Variants in UBE3B observed in about 807,000 individuals in gnomAD.
The protein encoded by UBE3B is ubiquitin protein ligase E3B.
Under a neutral mutation model 132.3 loss-of-function variants are expected in UBE3B, and 80 were observed. The ratio of observed to expected loss-of-function variants is 0.60; its 90% CI spans 0.50 to 0.73. The LOEUF is 0.73. Among genes scored for constraint, UBE3B ranks in the 30% least tolerant of loss-of-function variants. The pLI is 0.00. For missense variants in UBE3B, 1,196 were observed against 1,362.5 expected (o/e 0.88, Z 1.92); for synonymous variants, 487 against 520.4 (o/e 0.94, Z 0.87).
chr12:109,526,981 C>T (rs144985467), intron 24 of UBE3B, among the ~76,000 whole-genome samples: 58 of 152,208 alleles, frequency 3.8e-4, no homozygotes, highest in African/African-American at 1.2e-3. Flanking sequence ...AGTTTAATAA[C>T]GGCCCTAGAT....
chr12:109,509,751 C>G (rs774441855), intron 16 of UBE3B, 37 bp downstream of exon 16: 1 of 1,426,968 alleles, frequency 7.0e-7, no homozygotes, highest in African/African-American at 1.4e-5. Context: ...TTGGTTGATG[C>G]TGCACCCAGG....
intron 17 of UBE3B, among the ~76,000 whole-genome samples, 194 bp downstream of exon 17, chr12:109,510,652 C>T (rs1880264266): frequency 6.6e-6 from 1 of 152,144 alleles, no homozygotes; most frequent in African/African-American, 2.4e-5. Context: ...ATGTTTACAC[C>T]AAATATGATT....
At chr12:109,490,556 G>A (rs535697686) in intron 8 of UBE3B, 46 of 1,535,988 alleles carry the variant, frequency 3.0e-5, no homozygotes, top group African/African-American at 1.9e-4. Flanking sequence ...GAGGTGGTCC[G>A]TTGGCAGAAG....
At chr12:109,528,925 G>A (rs898717898) in intron 24 of UBE3B, among the ~76,000 whole-genome samples, 10 of 152,034 alleles carry the variant, frequency 6.6e-5, no homozygotes, top group Non-Finnish European at 8.8e-5. Context: ...TTGGGAGGCC[G>A]AGACGGGCAG....
At chr12:109,542,502 G>T in the UBE3B span, among the ~76,000 whole-genome samples, 1 of 152,156 alleles carries the variant, frequency 6.6e-6, no homozygotes, top group Non-Finnish European at 1.5e-5. Flanking sequence ...TCCCAAAAAA[G>T]ATGCATCCTA....
intron 24 of UBE3B, among the ~76,000 whole-genome samples, chr12:109,529,183 A>C (rs1240801534): frequency 6.6e-6 from 1 of 152,198 alleles, no homozygotes; most frequent in Admixed American, 6.5e-5. Context: ...AATAAAAAGA[A>C]AAAAGAAATT....
At chr12:109,516,217 G>A (rs1453030477) in intron 18 of UBE3B, among the ~76,000 whole-genome samples, 1 of 139,254 alleles carries the variant, frequency 7.2e-6, no homozygotes, top group Non-Finnish European at 1.5e-5. Context: ...TGTCCCCCAG[G>A]CTGGAGTGCA....
At chr12:109,514,361 C>CCAA (rs1352288535) in intron 18 of UBE3B, among the ~76,000 whole-genome samples, 1 of 152,192 alleles carries the variant, frequency 6.6e-6, no homozygotes, top group Non-Finnish European at 1.5e-5. Context: ...TGATCCGTAC[C>CCAA]CAACTGTCCA....
chr12:109,486,381 C>T, intron 5 of UBE3B, 90 bp from the exon 6 acceptor site: 3 of 1,070,448 alleles, frequency 2.8e-6, no homozygotes, highest in Non-Finnish European at 4.1e-6. Context: ...TGGCACTGGA[C>T]CTAACTAATA....
At chr12:109,499,202 A>C (rs1172466524) in intron 11 of UBE3B, among the ~76,000 whole-genome samples, 2 of 152,186 alleles carry the variant, frequency 1.3e-5, no homozygotes, top group African/African-American at 4.8e-5. Context: ...GCGACTTCCC[A>C]CGACACTCAG....
intron 1 of UBE3B, among the ~76,000 whole-genome samples, chr12:109,479,051 A>G (rs1874874245): frequency 6.6e-6 from 1 of 152,196 alleles, no homozygotes; most frequent in African/African-American, 2.4e-5. Context: ...CCACATACTA[A>G]TGGTCTAGAC....
At chr12:109,501,979 A>G (rs1809537931) in intron 13 of UBE3B, among the ~76,000 whole-genome samples, 1 of 152,174 alleles carries the variant, frequency 6.6e-6, no homozygotes, top group Non-Finnish European at 1.5e-5. Flanking sequence ...CTTGTTCCAC[A>G]ACAATTTTGA....
chr12:109,532,286 C>G (rs1883010838), intron 26 of UBE3B, among the ~76,000 whole-genome samples: 1 of 152,222 alleles, frequency 6.6e-6, no homozygotes, highest in East Asian at 1.9e-4. Context: ...TCAGGGAATG[C>G]TCGTCACAGT....
intron 9 of UBE3B, among the ~76,000 whole-genome samples, chr12:109,496,925 G>A: frequency 6.6e-6 from 1 of 151,992 alleles, no homozygotes; most frequent in East Asian, 1.9e-4. Context: ...TGACTCTTGT[G>A]CTTTTAGTGT....
At position 109,536,034 on chromosome 12, in the gene UBE3B, C is replaced by T. The variant is rs972407831; in HGVS notation, c.*1252C>T. 6.6e-6 allele frequency: 1 copy of T among 152,258 alleles called. No homozygotes were observed. Among genetic ancestry groups the T allele is most frequent in the African/African-American group, 2.4e-5 (1 of 41,432 alleles). The allele number at this position is 152,258 out of a possible 1,614,324, so 9.4% of individuals were successfully genotyped here. A position where few individuals can be genotyped will look rare whatever the true frequency, so the allele number is the denominator to read the frequency against. On this transcript the variant is annotated 3_prime_UTR_variant, in exon 28 of 28. Transcript: ENST00000342494. Reference sequence around the variant, plus strand: ...AGGAAGGCCCAGTCCCTCCTCTGCTCTCCTCAAAGACGCAAAACATTTTCC... The same window carrying T: ...AGGAAGGCCCAGTCCCTCCTCTGCTTTCCTCAAAGACGCAAAACATTTTCC...
downstream of UBE3B, among the ~76,000 whole-genome samples, chr12:109,538,262 G>C (rs922472253): frequency 6.6e-6 from 1 of 152,212 alleles, no homozygotes; most frequent in Non-Finnish European, 1.5e-5. The surrounding 1 kb of genome is among the most constrained non-coding windows in gnomAD (Gnocchi z 4.1). Flanking sequence ...TTCTCGCCAA[G>C]CTTGGCGAGT....
intron 24 of UBE3B, among the ~76,000 whole-genome samples, chr12:109,528,786 G>T (rs1349729557): frequency 2.0e-5 from 3 of 151,922 alleles, no homozygotes; most frequent in East Asian, 3.9e-4. Context: ...GGAGGCAGAG[G>T]TTGCAGTGAG....
intron 1 of UBE3B, among the ~76,000 whole-genome samples, chr12:109,478,767 T>G (rs1207310946): frequency 6.6e-6 from 1 of 152,182 alleles, no homozygotes; most frequent in African/African-American, 2.4e-5. Context: ...GGCAACAAAG[T>G]GAGACTCCGT....
In UBE3B at chr12:109,501,451, A is replaced by T; in HGVS notation, c.1199A>T (p.Asp400Val). 1 of 1,614,164 alleles carries T rather than the reference A, an allele frequency of 6.2e-7. No individual in the cohort carries two copies. The highest frequency in any genetic ancestry group is 8.5e-7 in the Non-Finnish European group (1 of 1,180,020). ...GVPLIRIFFC[D>V]ILSKKLLESQ... ...CCTCTGATCCGGATCTTCTTCTGTG[A>T]CATCCTGAGCAAGAAGCTACTGGAG... The change falls in exon 13 of 28, where the codon GAC (aspartate) becomes GTC (valine). Residue 400 changes from aspartate to valine, a missense_variant. Coordinates refer to ENST00000342494, the MANE Select transcript of UBE3B (RefSeq NM_130466.4).
Sources: gnomAD v4.1 joint callset for allele counts (sites outside exome capture counted in the v4.1 genomes callset) on GRCh38, gnomAD v4.1.1 for gene constraint, Gnocchi (gnomAD v3.1) non-coding constraint, MANE v1.5 for transcripts, NCBI Gene and HGNC (gene_info 2026-07-23, HGNC 2026-07-21) for gene names.